RTL4: variants seen among roughly 807,000 people sequenced by gnomAD.
RTL4 encodes the protein retrotransposon Gag-like protein 4.
In RTL4, 4 loss-of-function variants were observed where a neutral mutation model predicts 5.3. That is an observed-to-expected ratio of 0.75 (90% CI 0.37 to 1.72). The LOEUF (loss-of-function observed/expected upper bound fraction) is 1.72. Among genes scored for constraint, RTL4 ranks in the 40% most tolerant of loss-of-function variants. The probability of loss-of-function intolerance (pLI) is 0.04; values close to 1 mark genes in which losing one functional copy is unlikely to be tolerated. For synonymous variants in RTL4, 98 were observed against 87.3 expected, an observed-to-expected ratio of 1.12 and a Z score of -0.68; for missense variants, 260 against 227.1, an observed-to-expected ratio of 1.14 and a Z score of -0.93.
At chrX:112,279,398 A>G in the RTL4 span, among the ~76,000 whole-genome samples, 1 of 111,861 alleles carries the variant, frequency 8.9e-6, no homozygotes, top group Non-Finnish European at 1.9e-5. Flanking sequence ...ACAAGAAAAC[A>G]AAAGAAAATG....
the RTL4 span, among the ~76,000 whole-genome samples, chrX:112,274,123 G>A: frequency 3.6e-5 from 4 of 111,869 alleles, no homozygotes; most frequent in African/African-American, 1.3e-4. Flanking sequence ...CTCCAATCAG[G>A]TCTGTCTGAC....
chrX:112,131,102 G>T, the RTL4 span, among the ~76,000 whole-genome samples: 1 of 109,499 alleles, frequency 9.1e-6, no homozygotes, highest in Non-Finnish European at 1.9e-5. Flanking sequence ...CCCTGCCTGG[G>T]TGAGTTTTAT....
the RTL4 span, among the ~76,000 whole-genome samples, chrX:112,179,374 GAA>G: frequency 1.9e-5 from 2 of 107,857 alleles, no homozygotes; most frequent in Non-Finnish European, 3.8e-5. Flanking sequence ...AAGGACAAAT[GAA>G]AAAAAAACCA....
the RTL4 span, among the ~76,000 whole-genome samples, chrX:112,367,097 GA>G: frequency 2.7e-5 from 3 of 111,388 alleles, no homozygotes; most frequent in Admixed American, 9.5e-5. Flanking sequence ...TTTACACAGG[GA>G]AAAAAACCCA....
At chrX:112,322,205 A>G in the RTL4 span, among the ~76,000 whole-genome samples, 1 of 111,651 alleles carries the variant, frequency 9.0e-6, no homozygotes, top group East Asian at 2.8e-4. Flanking sequence ...TGCATTTGCT[A>G]GGTGAGTCGT....
the RTL4 span, among the ~76,000 whole-genome samples, chrX:112,225,932 G>T: frequency 0.021 from 2,388 of 111,857 alleles, 29 homozygotes; most frequent in Middle Eastern, 0.051. Context: ...AAACTTATTT[G>T]TAGCAGTTGC....
chrX:112,318,274 T>A, the RTL4 span, among the ~76,000 whole-genome samples: 1 of 111,702 alleles, frequency 9.0e-6, no homozygotes. Context: ...TGTCACCTCA[T>A]TAGAGAGACC....
the RTL4 span, among the ~76,000 whole-genome samples, chrX:112,143,255 T>C: frequency 1.5e-3 from 169 of 111,776 alleles, no homozygotes; most frequent in Non-Finnish European, 2.8e-3. Flanking sequence ...CTTTATGCCT[T>C]TACATGTTTT....
chrX:112,309,646 G>A, the RTL4 span, among the ~76,000 whole-genome samples: 1 of 106,913 alleles, frequency 9.4e-6, no homozygotes, highest in African/African-American at 3.4e-5. Context: ...ATGCCACCAC[G>A]CCCAACTCAT....
chrX:112,275,770 TA>T, the RTL4 span, among the ~76,000 whole-genome samples: 1,063 of 109,491 alleles, frequency 9.7e-3, 12 homozygotes, highest in African/African-American at 0.033. Context: ...CCTTTCTGTA[TA>T]AAAAAAAATG....
At chrX:112,217,616 A>G in the RTL4 span, among the ~76,000 whole-genome samples, 1 of 111,760 alleles carries the variant, frequency 8.9e-6, no homozygotes, top group Non-Finnish European at 1.9e-5. Flanking sequence ...GTGAGTAGTA[A>G]ATGTGATGAT....
chrX:112,408,175 C>T, the RTL4 span, among the ~76,000 whole-genome samples: 2,398 of 111,051 alleles, frequency 0.022, 34 homozygotes, highest in East Asian at 0.037. Context: ...AGGACCAATT[C>T]TAAAAAGACA....
At chrX:112,395,476 C>T in the RTL4 span, among the ~76,000 whole-genome samples, 1 of 110,386 alleles carries the variant, frequency 9.1e-6, no homozygotes, top group Non-Finnish European at 1.9e-5. Context: ...TTCCTAAAAT[C>T]AACAAAAATA....
the RTL4 span, among the ~76,000 whole-genome samples, chrX:112,439,503 G>A: frequency 9.0e-6 from 1 of 111,718 alleles, no homozygotes; most frequent in Non-Finnish European, 1.9e-5. Context: ...AGGACTTTAT[G>A]TTTTGAGATG....
At chrX:112,264,879 C>A in the RTL4 span, among the ~76,000 whole-genome samples, 1 of 112,736 alleles carries the variant, frequency 8.9e-6, no homozygotes, top group Non-Finnish European at 1.9e-5. Flanking sequence ...ATTATAATTT[C>A]TTCAAGGACA....
chrX:112,438,622 C>G, the RTL4 span, among the ~76,000 whole-genome samples: 4 of 112,609 alleles, frequency 3.6e-5, no homozygotes, highest in Non-Finnish European at 7.5e-5. Context: ...TCCAGGGGAA[C>G]AAACTCTTCT....
chrX:112,353,085 C>T, the RTL4 span, among the ~76,000 whole-genome samples: 1 of 111,930 alleles, frequency 8.9e-6, no homozygotes. Context: ...TGAAAAAATG[C>T]TCATCATCAC....
At chrX:112,310,822 T>C in the RTL4 span, among the ~76,000 whole-genome samples, 1 of 86,604 alleles carries the variant, frequency 1.2e-5, no homozygotes, top group Non-Finnish European at 2.1e-5. Flanking sequence ...ATTATATATA[T>C]TAATACATTA....
chrX:112,254,545 T>A, the RTL4 span, among the ~76,000 whole-genome samples: 4 of 110,723 alleles, frequency 3.6e-5, no homozygotes, highest in Non-Finnish European at 7.5e-5. Context: ...GCCAGGATGG[T>A]CTTGATCTCT....
Sources: gnomAD v4.1 joint callset for allele counts (sites outside exome capture counted in the v4.1 genomes callset) on GRCh38, gnomAD v4.1.1 for gene constraint, MANE v1.5 for transcripts, NCBI Gene and HGNC (gene_info 2026-07-23, HGNC 2026-07-21) for gene names.